The following ACSM1 variants were observed in gnomAD, a reference collection of about 807,000 sequenced individuals.
ACSM1 encodes the protein acyl-coenzyme A synthetase ACSM1, mitochondrial.
Under a neutral mutation model 75.8 loss-of-function variants are expected in ACSM1, and 79 were observed. The observed-to-expected ratio is 1.04, with a 90% CI of 0.87 to 1.26. The LOEUF (loss-of-function observed/expected upper bound fraction) is 1.26. ACSM1 is among the 50% of genes most tolerant of loss of function. ACSM1 has a pLI of 0.00. For synonymous variants in ACSM1, 279 were observed against 265.8 expected, an observed-to-expected ratio of 1.05 and a Z score of -0.48; for missense variants, 676 against 720.1, an observed-to-expected ratio of 0.94 and a Z score of 0.70.
chr16:20,687,131 T>G (rs1250007987), intron 2 of ACSM1, among the ~76,000 whole-genome samples: 1 of 152,018 alleles, frequency 6.6e-6, no homozygotes, highest in South Asian at 2.1e-4. Context: ...GTCCAAGGGT[T>G]GCGGAGGGAC....
chr16:20,624,115 G>A lies in ACSM1; in HGVS notation c.1628C>T (p.Pro543Leu). 6.2e-7 allele frequency: 1 copy of A among 1,612,904 alleles called. No homozygotes were observed. The highest frequency in any genetic ancestry group is 8.5e-7 in the Non-Finnish European group (1 of 1,179,212). ...LQQHVKSVTA[P>L]YKYPRKVEFV... ...ACTCACCTTCCTTGGGTACTTGTAT[G>A]GGGCTGTCACTGACTTGACATGCTG... The change falls in exon 13 of 14, where the codon CCA becomes CTA. Residue 543 changes from proline (P) to leucine (L), a missense_variant. Coordinates refer to ENST00000520010, the MANE Select transcript of ACSM1 (RefSeq NM_001318890.3).
At chr16:20,643,986 G>A (rs2018218041) in intron 7 of ACSM1, among the ~76,000 whole-genome samples, 1 of 151,988 alleles carries the variant, frequency 6.6e-6, no homozygotes, top group Non-Finnish European at 1.5e-5. Flanking sequence ...GACACAGAGT[G>A]CTGATTGGTG....
chr16:20,656,206 C>T (rs1418924578), intron 7 of ACSM1, among the ~76,000 whole-genome samples: 2 of 152,010 alleles, frequency 1.3e-5, no homozygotes, highest in Non-Finnish European at 2.9e-5. Context: ...CCTGTTATAT[C>T]TCTATATTTA....
chr16:20,625,236 T>C (rs1464016040), intron 12 of ACSM1, among the ~76,000 whole-genome samples, 187 bp downstream of exon 12: 1 of 152,230 alleles, frequency 6.6e-6, no homozygotes. Flanking sequence ...GCTCATTACA[T>C]AGTATCTAGC....
chr16:20,627,430 G>C, intron 10 of ACSM1, 114 bp from the exon 11 acceptor site: 1 of 1,271,228 alleles, frequency 7.9e-7, no homozygotes, highest in Non-Finnish European at 1.0e-6. Context: ...TCGGTACCTG[G>C]GCAAGTTTTG....
At chr16:20,685,484 A>C (rs1596954002) in intron 2 of ACSM1, 81 bp from the exon 3 acceptor site, 1 of 1,313,392 alleles carries the variant, frequency 7.6e-7, no homozygotes, top group Non-Finnish European at 1.1e-6. Context: ...AGCCATAGTC[A>C]CGTTCCAATG....
chr16:20,676,310 G>C, intron 4 of ACSM1: 1 of 152,206 alleles, frequency 6.6e-6, no homozygotes, highest in East Asian at 1.9e-4. Context: ...AAGCCCTTCT[G>C]CAAAGGCTAA....
intron 10 of ACSM1, among the ~76,000 whole-genome samples, chr16:20,635,833 G>T (rs1162139782): frequency 6.6e-6 from 1 of 152,050 alleles, no homozygotes; most frequent in Non-Finnish European, 1.5e-5. Flanking sequence ...TGGAGATGGG[G>T]TTTCACTGTG....
chr16:20,682,751 A>G (rs2079473341), intron 3 of ACSM1, among the ~76,000 whole-genome samples: 1 of 152,202 alleles, frequency 6.6e-6, no homozygotes, highest in Non-Finnish European at 1.5e-5. Context: ...AAATGGGTGG[A>G]CACTGCTTTA....
At chr16:20,681,095 A>G (rs1471876429) in intron 4 of ACSM1, 1 of 152,236 alleles carries the variant, frequency 6.6e-6, no homozygotes, top group Non-Finnish European at 1.5e-5. Context: ...TTGGCCAGCT[A>G]CCTGGGTGCA....
chr16:20,672,773 C>T (rs1403615204), intron 4 of ACSM1, among the ~76,000 whole-genome samples: 7 of 117,242 alleles, frequency 6.0e-5, no homozygotes, highest in African/African-American at 1.1e-4. Context: ...ATAAATTATG[C>T]TTATATATAA....
intron 6 of ACSM1, among the ~76,000 whole-genome samples, chr16:20,666,022 A>G (rs1416919103): frequency 6.6e-6 from 1 of 152,192 alleles, no homozygotes; most frequent in South Asian, 2.1e-4. Context: ...CACAGCCAGC[A>G]TCACACTGAC....
At chr16:20,623,723 C>T in intron 13 of ACSM1, 151 bp from the exon 14 acceptor site, 1 of 828,804 alleles carries the variant, frequency 1.2e-6, no homozygotes, top group Non-Finnish European at 1.9e-6. Flanking sequence ...TTCAGGTTCT[C>T]CCCCTGGCCC....
At chr16:20,655,534 G>T (rs1262404197) in intron 7 of ACSM1, among the ~76,000 whole-genome samples, 1 of 152,072 alleles carries the variant, frequency 6.6e-6, no homozygotes, top group Admixed American at 6.6e-5. Context: ...TAATTTAGTT[G>T]TCTATAACTA....
At chr16:20,647,936 C>T (rs990751506) in intron 7 of ACSM1, among the ~76,000 whole-genome samples, 2 of 152,200 alleles carry the variant, frequency 1.3e-5, no homozygotes, top group Admixed American at 1.3e-4. Flanking sequence ...GTTCATCATG[C>T]ACCTGCCCTT....
At chr16:20,685,936 T>A (rs1409026584) in intron 2 of ACSM1, among the ~76,000 whole-genome samples, 1 of 149,714 alleles carries the variant, frequency 6.7e-6, no homozygotes, top group Non-Finnish European at 1.5e-5. Context: ...CATAAGACCA[T>A]AAACAGCCTT....
intron 1 of ACSM1, among the ~76,000 whole-genome samples, chr16:20,697,220 G>A (rs2079694463): frequency 6.6e-6 from 1 of 152,098 alleles, no homozygotes; most frequent in African/African-American, 2.4e-5. Context: ...CCACAGGCAT[G>A]TATTACTATG....
chr16:20,673,993 A>T, intron 4 of ACSM1: 1 of 379,676 alleles, frequency 2.6e-6, no homozygotes, highest in Non-Finnish European at 5.3e-6. Context: ...GGTCAGGGTC[A>T]CATAGCAAAA....
In ACSM1 at chr16:20,627,901, T is replaced by C. The variant is rs1334647638; in HGVS notation, c.1300-585A>G. On this transcript the variant is annotated intron_variant, in intron 10 of 13. Transcript: ENST00000520010. ...ATATATATATATATATATATATATA[T>C]ATATATATATATATATATATATTCA... 6.5e-4 allele frequency among the ~76,000 whole-genome samples: 74 copies of C among 113,708 alleles called. 1 individual carries two copies. Among genetic ancestry groups the C allele is most frequent in the African/African-American group, 3.4e-3 (65 of 19,224 alleles). The allele number at this position is 113,708 out of a possible 152,430, so 74.6% of individuals were successfully genotyped here. A position where few individuals can be genotyped will look rare whatever the true frequency, so the allele number is the denominator to read the frequency against.
Sources: allele counts gnomAD v4.1 joint callset (sites outside exome capture counted in the v4.1 genomes callset), GRCh38; gene constraint gnomAD v4.1.1; transcripts MANE v1.5; gene names NCBI Gene and HGNC (gene_info 2026-07-23, HGNC 2026-07-21).